Variants in DDX60 observed in about 807,000 individuals in gnomAD.
DDX60 encodes the protein probable ATP-dependent RNA helicase DDX60.
In DDX60, 165 loss-of-function variants were observed where a neutral mutation model predicts 212.8. The ratio of observed to expected loss-of-function variants is 0.78; its 90% confidence interval spans 0.68 to 0.88. DDX60 has a LOEUF of 0.88. Ranked by LOEUF, DDX60 falls within the 40% of genes least tolerant of loss-of-function variation. The probability of loss-of-function intolerance (pLI) is 0.00; values close to 1 mark genes in which losing one functional copy is unlikely to be tolerated. For missense variants in DDX60, 1,905 were observed against 2,003.9 expected, an observed-to-expected ratio of 0.95 and a Z score of 0.94; for synonymous variants, 703 against 685.3, an observed-to-expected ratio of 1.03 and a Z score of -0.40.
At chr4:168,285,552 A>T in intron 10 of DDX60, 54 bp from the exon 11 acceptor site, 2 of 1,049,500 alleles carry the variant, frequency 1.9e-6, no homozygotes, top group Non-Finnish European at 2.8e-6. Context: ...GCTTTCAGAC[A>T]GGAATATTAC....
At chr4:168,284,790 A>C (rs779563259) in intron 12 of DDX60, 30 bp downstream of exon 12, 10 of 1,125,636 alleles carry the variant, frequency 8.9e-6, no homozygotes, top group Non-Finnish European at 1.2e-5. Flanking sequence ...AGTAGATTTA[A>C]ATTTATATCA....
rs1195856732 is a variant in DDX60 at position 168,295,223 on chromosome 4, T to C, written c.724-1278A>G. ...ACTATCATAGGACCCAGTAATCCCA[T>C]GTCTGGGTATGTATCCAAAGGAACC... On this transcript the variant is annotated intron_variant, in intron 6 of 37. Transcript: ENST00000393743. 6.6e-5 allele frequency among the ~76,000 whole-genome samples: 10 copies of C among 152,294 alleles called. No homozygotes were observed. In the East Asian group the frequency reaches 1.9e-3, roughly 29 times the overall value.
At chr4:168,315,571 C>T (rs996479734) in intron 1 of DDX60, among the ~76,000 whole-genome samples, 1 of 152,174 alleles carries the variant, frequency 6.6e-6, no homozygotes, top group African/African-American at 2.4e-5. Flanking sequence ...TGCTCTCCCT[C>T]CCTTTGCCCC....
At chr4:168,264,925 C>T (rs1017885050) in intron 22 of DDX60, among the ~76,000 whole-genome samples, 1 of 152,168 alleles carries the variant, frequency 6.6e-6, no homozygotes, top group Non-Finnish European at 1.5e-5. Flanking sequence ...TTTATAAACA[C>T]AATAGTATTA....
chr4:168,231,426 G>A (rs762394743), intron 33 of DDX60, among the ~76,000 whole-genome samples: 15 of 150,986 alleles, frequency 9.9e-5, no homozygotes, highest in Non-Finnish European at 1.6e-4. Flanking sequence ...GAAAACTACA[G>A]ACCAATATCT....
intron 27 of DDX60, among the ~76,000 whole-genome samples, chr4:168,251,495 C>G (rs923635918): frequency 6.6e-6 from 1 of 152,144 alleles, no homozygotes; most frequent in Non-Finnish European, 1.5e-5. Context: ...CTATGTGGTC[C>G]GGGAATGCCT....
rs900352561 is a variant in DDX60 at position 168,246,486 on chromosome 4, T to C, written c.4096A>G (p.Ile1366Val). Residue 1366 changes from isoleucine (I) to valine (V), a missense_variant, in exon 30 of 38, where the codon ATA (isoleucine) becomes GTA (valine). Physicochemically the swap from Ile to Val is conservative, Grantham distance 29. Transcript: ENST00000393743. ...AGCATGAGTCGCAGGACCAGGGTTA[T>C]GCTGAGAGGGAAGTGTCCTCTCAGC... is the stretch of plus-strand genomic sequence containing the variant. The part of the protein sequence containing the change: ...PELRGHFPLS[I>V]TLVLRLMLLA... 3 of 1,614,102 alleles carry C rather than the reference T, an allele frequency of 1.9e-6. No individual in the cohort carries two copies. Among genetic ancestry groups the C allele is most frequent in the Admixed American group, 1.7e-5 (1 of 60,002 alleles).
At chr4:168,317,211 CAT>C (rs1737432561) in intron 1 of DDX60, among the ~76,000 whole-genome samples, 1 of 151,890 alleles carries the variant, frequency 6.6e-6, no homozygotes, top group Non-Finnish European at 1.5e-5. Context: ...CACACACACA[CAT>C]AAACACACAC....
intron 4 of DDX60, among the ~76,000 whole-genome samples, chr4:168,307,428 A>G (rs1296336284): frequency 2.6e-5 from 4 of 152,208 alleles, no homozygotes; most frequent in African/African-American, 9.7e-5. Context: ...AATACCTCAA[A>G]CAAACCATCA....
At chr4:168,232,604 T>A (rs1021205886) in intron 33 of DDX60, among the ~76,000 whole-genome samples, 1 of 151,940 alleles carries the variant, frequency 6.6e-6, no homozygotes, top group Non-Finnish European at 1.5e-5. Flanking sequence ...AAACATAAAA[T>A]GGGGAAAGGA....
In DDX60 at chr4:168,267,900, C is replaced by A. The variant is rs570432435; in HGVS notation, c.2870G>T (p.Arg957Leu). 3 of 1,613,404 alleles carry A rather than the reference C, an allele frequency of 1.9e-6. No individual in the cohort carries two copies. Among genetic ancestry groups the A allele is most frequent in the Middle Eastern group, 1.7e-4 (1 of 6,056 alleles). The stretch of plus-strand genomic sequence containing the variant: ...GTAGTCTTTGGGAAAGCCGGCCTGA[C>A]GACCCACATGTCTTTTAGAAGCGGT... ...NNTASKRHVG[R>L]QAGFPKDYLQ... is the part of the protein sequence containing the mutation. Residue 957 changes from arginine to leucine, a missense_variant, in exon 21 of 38, where the codon CGT becomes CTT. Arg to Leu is a moderately radical substitution (Grantham distance 102, BLOSUM62 -2). Coordinates refer to ENST00000393743, the MANE Select transcript of DDX60 (RefSeq NM_017631.6).
At position 168,285,472 on chromosome 4, in the gene DDX60, A is replaced by G. The variant is rs1735784425; in HGVS notation, c.1366T>C (p.Leu456=). 6.2e-7 allele frequency: 1 copy of G among 1,610,192 alleles called. No homozygotes were observed. The highest frequency in any genetic ancestry group is 8.5e-7 in the Non-Finnish European group (1 of 1,178,840). Residue 456 remains leucine (L), a synonymous_variant, in exon 11 of 38, where the codon TTG becomes CTG. Transcript: ENST00000393743. ...KDSSNEMVPN[L]GFIPTSSFVV... is the part of the protein sequence containing the mutation. Reference sequence around the variant, plus strand: ...AAAGATGACGTTGGAATAAAACCCAAATTGGGCACCATTTCATTGGAGCTG... The same window carrying G: ...AAAGATGACGTTGGAATAAAACCCAGATTGGGCACCATTTCATTGGAGCTG...
intron 25 of DDX60, among the ~76,000 whole-genome samples, chr4:168,257,301 T>C (rs1035519174): frequency 1.3e-5 from 2 of 151,186 alleles, no homozygotes; most frequent in African/African-American, 4.9e-5. Context: ...AGAGTAAAAC[T>C]CCATCGCCCT....
chr4:168,250,615 T>C (rs1172622490), intron 28 of DDX60, among the ~76,000 whole-genome samples: 1 of 146,112 alleles, frequency 6.8e-6, no homozygotes. Context: ...AACCTCCACC[T>C]CCCGGGTTCA....
rs564657126 is a variant in DDX60, at chr4:168,282,304, A to C, written c.1722+1142T>G. On this transcript the variant is annotated intron_variant, in intron 13 of 37. Transcript: ENST00000393743. ...ATTTTTTGAAGTTATCCTGAGTAGAAAATACAAGAACTTTTTTGATAAGTC... is the reference window on the plus strand; with the variant it reads ...ATTTTTTGAAGTTATCCTGAGTAGACAATACAAGAACTTTTTTGATAAGTC... 1.7e-4 allele frequency among the ~76,000 whole-genome samples: 26 copies of C among 152,308 alleles called. No homozygotes were observed. The South Asian group carries it at 5.4e-3, about 32-fold the overall frequency.
rs565667951 is a variant in DDX60, at chr4:168,251,392, C to T, written c.3706-286G>A. 1.1e-4 allele frequency among the ~76,000 whole-genome samples: 16 copies of T among 152,326 alleles called. No homozygotes were observed. The South Asian group carries it at 1.9e-3, about 18-fold the overall frequency. On this transcript the variant is annotated intron_variant, in intron 27 of 37. Transcript: ENST00000393743. ...CCAAGTGGTGGTGAGTGCATGACTG[C>T]TCTTGCCTGAGGGATATCAGTTGGC...
chr4:168,257,977 G>A (rs554270348), intron 25 of DDX60, among the ~76,000 whole-genome samples: 3 of 152,260 alleles, frequency 2.0e-5, no homozygotes, highest in Non-Finnish European at 4.4e-5. Flanking sequence ...TTCTTTCAAG[G>A]GCATCTTATC....
chr4:168,307,067 A>T (rs983624411), intron 4 of DDX60, among the ~76,000 whole-genome samples: 5 of 152,242 alleles, frequency 3.3e-5, no homozygotes, highest in African/African-American at 1.2e-4. Flanking sequence ...CAGAAAGCTG[A>T]GGTGAACCAT....
chr4:168,272,851 C>T (rs1054257074), intron 18 of DDX60, among the ~76,000 whole-genome samples: 1 of 152,144 alleles, frequency 6.6e-6, no homozygotes, highest in African/African-American at 2.4e-5. Flanking sequence ...TCTGTGAGTT[C>T]ATAAGGGTGA....
Sources: allele counts gnomAD v4.1 joint callset (sites outside exome capture counted in the v4.1 genomes callset), GRCh38; gene constraint gnomAD v4.1.1; transcripts MANE v1.5; gene names NCBI Gene and HGNC (gene_info 2026-07-23, HGNC 2026-07-21).